The following TMCO6 variants were observed in gnomAD, a reference collection of about 807,000 sequenced individuals.
TMCO6 encodes transmembrane and coiled-coil domain-containing protein 6.
A neutral mutation model predicts 61.8 loss-of-function variants in TMCO6; 47 were observed. The observed-to-expected ratio is 0.76, with a 90% CI of 0.60 to 0.97. The LOEUF (loss-of-function observed/expected upper bound fraction) is 0.97. TMCO6 is among the 50% of genes least tolerant of loss of function. TMCO6 has a pLI of 0.00. For synonymous variants in TMCO6, 261 were observed against 254.2 expected, an observed-to-expected ratio of 1.03 and a Z score of -0.25; for missense variants, 557 against 601.6, an observed-to-expected ratio of 0.93 and a Z score of 0.78.
At chr5:140,626,328 GA>G in the TMCO6 span, among the ~76,000 whole-genome samples, 4,443 of 148,170 alleles carry the variant, frequency 0.03, 152 homozygotes, top group African/African-American at 0.087. Flanking sequence ...AAACCTTATA[GA>G]AAAAGATATC....
In TMCO6 at chr5:140,641,848, GCTCTGGTA is replaced by G; in HGVS notation, c.315-18_315-11del. On this transcript the variant is annotated splice_polypyrimidine_tract_variant and intron_variant, in intron 3 of 11. Transcript: ENST00000394671. The stretch of plus-strand genomic sequence containing the variant: ...AGGGATGGACCACAAGCTAAGCAGG[GCTCTGGTA>G]CTCACTCACATAGGCTGGAGGGCAG... 1 of 1,613,876 alleles carries G rather than the reference GCTCTGGTA, an allele frequency of 6.2e-7. No individual in the cohort carries two copies. Among genetic ancestry groups the G allele is most frequent in the South Asian group, 1.1e-5 (1 of 91,080 alleles).
chr5:140,639,944 C>T (rs1310283071), intron 2 of TMCO6, 93 bp downstream of exon 2: 13 of 1,030,908 alleles, frequency 1.3e-5, no homozygotes, highest in Non-Finnish European at 1.9e-5. Context: ...TGAACGCAAT[C>T]CACTCTACAC....
the TMCO6 span, among the ~76,000 whole-genome samples, chr5:140,606,573 G>C: frequency 6.6e-6 from 1 of 151,786 alleles, no homozygotes; most frequent in Admixed American, 6.6e-5. Context: ...ATAATGTTTT[G>C]GTCAAACTTG....
chr5:140,640,392 G>A (rs559647187), intron 2 of TMCO6, among the ~76,000 whole-genome samples: 152 of 151,620 alleles, frequency 1.0e-3, no homozygotes, highest in African/African-American at 3.6e-3. Context: ...TGTCTTGAGA[G>A]CCTATTTTTT....
At chr5:140,621,005 C>A in the TMCO6 span, among the ~76,000 whole-genome samples, 2 of 151,670 alleles carry the variant, frequency 1.3e-5, no homozygotes, top group Admixed American at 6.6e-5. Context: ...AGAGTGAGAA[C>A]CCATCTCAAA....
chr5:140,615,720 G>A, the TMCO6 span, among the ~76,000 whole-genome samples: 2 of 152,118 alleles, frequency 1.3e-5, no homozygotes, highest in East Asian at 3.8e-4. Flanking sequence ...CTACGGCACT[G>A]GGGAAAATAG....
At chr5:140,632,973 G>T in the TMCO6 span, 1 of 1,614,108 alleles carries the variant, frequency 6.2e-7, no homozygotes, top group East Asian at 2.2e-5. This position sits in a 1 kb window ranked among gnomAD's most constrained non-coding sequence, Gnocchi z 6.2. Flanking sequence ...CAAGCAGGAC[G>T]CGCGCTCCTG....
At chr5:140,628,630 G>A in the TMCO6 span, among the ~76,000 whole-genome samples, 1 of 152,028 alleles carries the variant, frequency 6.6e-6, no homozygotes, top group Admixed American at 6.6e-5. Context: ...GTAGAGACAG[G>A]TTTCACCATG....
At chr5:140,607,130 C>G in the TMCO6 span, among the ~76,000 whole-genome samples, 1 of 152,064 alleles carries the variant, frequency 6.6e-6, no homozygotes, top group African/African-American at 2.4e-5. Flanking sequence ...GCAACCATTG[C>G]TACTATTTAC....
chr5:140,626,129 C>T, the TMCO6 span, among the ~76,000 whole-genome samples: 2 of 152,124 alleles, frequency 1.3e-5, no homozygotes, highest in South Asian at 4.1e-4. Context: ...CTCCCAAATT[C>T]TTATAGCCAG....
At chr5:140,602,893 T>C in the TMCO6 span, among the ~76,000 whole-genome samples, 1 of 152,156 alleles carries the variant, frequency 6.6e-6, no homozygotes, top group Non-Finnish European at 1.5e-5. Flanking sequence ...GCGGATCACC[T>C]GAGGTCAGGA....
In TMCO6 at chr5:140,643,654, CGAG is replaced by C; in HGVS notation, c.900_902del (p.Glu300del). On this transcript the variant is annotated inframe_deletion, in exon 8 of 12. Transcript: ENST00000394671. The stretch of plus-strand genomic sequence containing the variant: ...ACTTGGCTGGGGCTGTCCAGAAAAC[CGAG>C]GATGCAGGACTGGAGCTGGTAGGTG... 1.2e-6 allele frequency: 2 copies of C among 1,612,934 alleles called. No homozygotes were observed. The highest frequency in any genetic ancestry group is 1.3e-5 in the African/African-American group (1 of 74,996).
At chr5:140,627,203 C>CTT in the TMCO6 span, among the ~76,000 whole-genome samples, 2 of 147,676 alleles carry the variant, frequency 1.4e-5, no homozygotes, top group Non-Finnish European at 1.5e-5. Flanking sequence ...GTCTCAGCAA[C>CTT]TTTTTTTTTT....
At chr5:140,635,623 G>C (rs2569192), upstream of TMCO6, among the ~76,000 whole-genome samples, 40,414 of 152,104 alleles carry the variant, frequency 0.27, 5,545 homozygotes, top group Non-Finnish European at 0.28. Context: ...ACTAGGGTTG[G>C]TAGAAAGCCC....
chr5:140,645,440 G>A (rs749611284), downstream of TMCO6: 3 of 1,022,186 alleles, frequency 2.9e-6, no homozygotes, highest in South Asian at 1.4e-5. Flanking sequence ...GTAAGGGGTA[G>A]AGGGTAGATG....
At chr5:140,606,922 A>T in the TMCO6 span, among the ~76,000 whole-genome samples, 4 of 150,780 alleles carry the variant, frequency 2.7e-5, no homozygotes, top group African/African-American at 7.3e-5. Context: ...GATGAGCTTG[A>T]CTCTGTGTAG....
the TMCO6 span, among the ~76,000 whole-genome samples, chr5:140,624,856 CT>C: frequency 6.0e-3 from 189 of 31,700 alleles, no homozygotes; most frequent in East Asian, 0.02. Context: ...TTCTTTCTTT[CT>C]TTTTTTTTTT....
At chr5:140,622,137 G>T in the TMCO6 span, among the ~76,000 whole-genome samples, 1 of 152,076 alleles carries the variant, frequency 6.6e-6, no homozygotes, top group South Asian at 2.1e-4. Context: ...ATAAAAACTT[G>T]CTGGTTTTTG....
chr5:140,611,432 A>C, the TMCO6 span, among the ~76,000 whole-genome samples: 1 of 151,836 alleles, frequency 6.6e-6, no homozygotes, highest in Non-Finnish European at 1.5e-5. Flanking sequence ...TACCCAGGAG[A>C]TTTTCCCCTC....
Sources: gnomAD v4.1 joint callset for allele counts (sites outside exome capture counted in the v4.1 genomes callset) on GRCh38, gnomAD v4.1.1 for gene constraint, Gnocchi (gnomAD v3.1) non-coding constraint, MANE v1.5 for transcripts, NCBI Gene and HGNC (gene_info 2026-07-23, HGNC 2026-07-21) for gene names.